The following PGGHG variants were observed in gnomAD, a reference collection of about 807,000 sequenced individuals.
PGGHG encodes the protein ATH1, acid trehalase-like 1.
PGGHG carries 67 observed loss-of-function variants against 74.5 expected under a neutral mutation model. That is an observed-to-expected ratio of 0.90 (90% CI 0.74 to 1.10). The LOEUF is 1.10. Ranked by LOEUF, PGGHG falls within the 50% of genes least tolerant of loss-of-function variation. PGGHG has a pLI of 0.00. For missense variants in PGGHG, 1,034 were observed against 981.5 expected, an observed-to-expected ratio of 1.05 and a Z score of -0.72; for synonymous variants, 496 against 419.9, an observed-to-expected ratio of 1.18 and a Z score of -2.21.
rs937160809 is a variant in PGGHG, at chr11:289,507, G to C, written c.-14+268G>C. On this transcript the variant is annotated intron_variant, in intron 1 of 13. Coordinates refer to ENST00000409548, the MANE Select transcript of PGGHG (RefSeq NM_025092.5). This position sits in a 1 kb window ranked among gnomAD's most constrained non-coding sequence, Gnocchi z 5.6. Reference sequence around the variant, plus strand: ...AGGGTGGGGGCAAGACCGGGGTTGTGGGGGGTGCGTTTGGAAAGCAGGGTT... The same window carrying C: ...AGGGTGGGGGCAAGACCGGGGTTGTCGGGGGTGCGTTTGGAAAGCAGGGTT... The C allele has an allele frequency of 2.9e-4, 106 of 371,508 alleles. No individual in the cohort carries two copies. The highest frequency in any genetic ancestry group is 4.0e-4 in the Non-Finnish European group (81 of 203,398). The allele number at this position is 371,508 out of a possible 1,614,324, so 23.0% of individuals were successfully genotyped here. A position where few individuals can be genotyped will look rare whatever the true frequency, so the allele number is the denominator to read the frequency against.
In PGGHG at chr11:290,388, A is replaced by G. The variant is rs550096365; in HGVS notation, c.260-2A>G. On this transcript the variant is annotated splice_acceptor_variant, in intron 2 of 13. Transcript: ENST00000409548. LOFTEE classifies it high-confidence loss of function. ...CACCTGCCTTCGCTTCTGCCTCCCC[A>G]GGCTCCTTTCTTCACACCCTGGAGG... 5.2e-6 allele frequency: 8 copies of G among 1,542,852 alleles called. No individual in the cohort carries two copies. Among genetic ancestry groups the G allele is most frequent in the African/African-American group, 4.1e-5 (3 of 73,002 alleles).
At chr11:291,603 T>C in intron 4 of PGGHG, 1 of 282,376 alleles carries the variant, frequency 3.5e-6, no homozygotes. Context: ...GTGACTGTGC[T>C]GGGGCTGCTC....
Position 290,031 on chromosome 11 carries a change from TGGG to T in PGGHG, c.218_220del (p.Gly73del). 1 of 1,544,228 alleles carries T rather than the reference TGGG, an allele frequency of 6.5e-7. No individual in the cohort carries two copies. Among genetic ancestry groups the T allele is most frequent in the Non-Finnish European group, 8.7e-7 (1 of 1,146,256 alleles). On this transcript the variant is annotated inframe_deletion, in exon 2 of 14. Transcript: ENST00000409548. Reference sequence around the variant, plus strand: ...GTCCGGCTGGAGGCCCCTGCAGGGATGGGGGAGCAGCTGACCGAGACCTTCGCC... The same window carrying T: ...GTCCGGCTGGAGGCCCCTGCAGGGATGGAGCAGCTGACCGAGACCTTCGCC...
In PGGHG at chr11:289,565, G is replaced by A. The variant is rs1009046612; in HGVS notation, c.-13-239G>A. ...GAATTCTAAGGTAGCAGGAGGGAGA[G>A]ACACACTCAGGGGCTCAGCTGGGTT... is the stretch of plus-strand genomic sequence containing the variant. On this transcript the variant is annotated intron_variant, in intron 1 of 13. Coordinates refer to ENST00000409548, the MANE Select transcript of PGGHG (RefSeq NM_025092.5). This position sits in a 1 kb window ranked among gnomAD's most constrained non-coding sequence, Gnocchi z 5.6. 5.0e-5 allele frequency: 28 copies of A among 560,098 alleles called. No individual in the cohort carries two copies. Among genetic ancestry groups the A allele is most frequent in the Non-Finnish European group, 8.1e-5 (26 of 319,522 alleles). The allele number at this position is 560,098 out of a possible 1,614,324, so 34.7% of individuals were successfully genotyped here.
chr11:294,257 C>T lies in PGGHG; in HGVS notation c.1809-10C>T, dbSNP rs754845464. 3 of 1,597,790 alleles carry T rather than the reference C, an allele frequency of 1.9e-6. No individual in the cohort carries two copies. Among genetic ancestry groups the T allele is most frequent in the African/African-American group, 2.7e-5 (2 of 74,700 alleles). On this transcript the variant is annotated splice_polypyrimidine_tract_variant and intron_variant, in intron 12 of 13. Coordinates refer to ENST00000409548, the MANE Select transcript of PGGHG (RefSeq NM_025092.5). ...CCCACCTGCCACCTCACAAGCCTCTCCTCCCACAGGGTCACCCGAGCGGGT... is the reference window on the plus strand; with the variant it reads ...CCCACCTGCCACCTCACAAGCCTCTTCTCCCACAGGGTCACCCGAGCGGGT...
chr11:293,555 G>C (rs561893184), intron 9 of PGGHG, 39 bp from the exon 10 acceptor site: 10 of 1,612,852 alleles, frequency 6.2e-6, no homozygotes, highest in African/African-American at 4.0e-5. Flanking sequence ...CCTCGAGTCT[G>C]TCCTGGAACA....
At position 291,075 on chromosome 11, in the gene PGGHG, C is replaced by T. The variant is rs781373330; in HGVS notation, c.868C>T (p.Arg290Cys). Reference sequence around the variant, plus strand: ...TCCTGGGGGCCTCTCCAATGGGAGCCGTGAGGAATGCTACTGGGGCCACGT... The same window carrying T: ...TCCTGGGGGCCTCTCCAATGGGAGCTGTGAGGAATGCTACTGGGGCCACGT... ...LSPGGLSNGS[R>C]EECYWGHVFW... is the part of the protein sequence containing the mutation. Residue 290 changes from arginine (R) to cysteine (C), a missense_variant, in exon 4 of 14, where the codon CGT (arginine) becomes TGT (cysteine). By Grantham distance (180) the Arg-to-Cys change is radical. Coordinates refer to ENST00000409548, the MANE Select transcript of PGGHG (RefSeq NM_025092.5). The T allele has an allele frequency of 7.5e-6, 12 of 1,603,994 alleles. No individual in the cohort carries two copies. The highest frequency in any genetic ancestry group is 1.7e-5 in the Admixed American group (1 of 59,310).
rs1554903421 is a variant in PGGHG, at chr11:294,572, T to G, written c.2037T>G (p.Phe679Leu). The G allele has an allele frequency of 8.8e-7, 1 of 1,140,214 alleles. No homozygotes were observed. The highest frequency in any genetic ancestry group is 1.1e-6 in the Non-Finnish European group (1 of 909,432). The allele number at this position is 1,140,214 out of a possible 1,614,324, so 70.6% of individuals were successfully genotyped here. A position where few individuals can be genotyped will look rare whatever the true frequency, so the allele number is the denominator to read the frequency against. Residue 679 changes from phenylalanine to leucine, a missense_variant, in exon 14 of 14, where the codon TTT (phenylalanine) becomes TTG (leucine). By Grantham distance (22) the Phe-to-Leu change is conservative. Coordinates refer to ENST00000409548, the MANE Select transcript of PGGHG (RefSeq NM_025092.5). Reference sequence around the variant, plus strand: ...TCCCTGCAGGACACAAGGTCTCCTTTCCCCGCTCGGCTGGCCGGATACAAA... The same window carrying G: ...TCCCTGCAGGACACAAGGTCTCCTTGCCCCGCTCGGCTGGCCGGATACAAA... ...LSLLPGHKVS[F>L]PRSAGRIQMS...
rs777428964 is a variant in PGGHG, at chr11:293,198, AACAACTCTGTGT to A, written c.1310_1321del (p.Asn437_Tyr440del). The A allele has an allele frequency of 1.2e-6, 2 of 1,613,804 alleles. No homozygotes were observed. Among genetic ancestry groups the A allele is most frequent in the Admixed American group, 3.3e-5 (2 of 60,026 alleles). On this transcript the variant is annotated inframe_deletion, in exon 8 of 14. Coordinates refer to ENST00000409548, the MANE Select transcript of PGGHG (RefSeq NM_025092.5). ...CCCCGACGAGTACCATTCAGGGGTCAACAACTCTGTGTACACCAACGTCCTGGTCCAGAACAG... is the reference window on the plus strand; with the variant it reads ...CCCCGACGAGTACCATTCAGGGGTCAACACCAACGTCCTGGTCCAGAACAG...
At chr11:291,400 CAGT>C in intron 4 of PGGHG, 1 of 423,566 alleles carries the variant, frequency 2.4e-6, no homozygotes, top group South Asian at 4.8e-5. Flanking sequence ...CGTTTGTAGA[CAGT>C]AGTGTGGCGC....
In PGGHG at chr11:294,727, C is replaced by G. The variant is rs139357995; in HGVS notation, c.2192C>G (p.Thr731Ser). 6.2e-7 allele frequency: 1 copy of G among 1,602,798 alleles called. No homozygotes were observed. The highest frequency in any genetic ancestry group is 8.5e-7 in the Non-Finnish European group (1 of 1,174,206). The change falls in exon 14 of 14, where the codon ACT becomes AGT. Residue 731 changes from threonine (T) to serine (S), a missense_variant. By Grantham distance (58) the Thr-to-Ser change is moderately conservative (BLOSUM62 1). Coordinates refer to ENST00000409548, the MANE Select transcript of PGGHG (RefSeq NM_025092.5). ...TCCTCCAGCCCCACCGAGTCACTCA[C>G]TGTGGACCCTGCCTCTGAATAATCA... is the stretch of plus-strand genomic sequence containing the variant. ...LGSSSPTESL[T>S]VDPASE is the part of the protein sequence containing the mutation.
rs1295758165 is a variant in PGGHG at position 290,582 on chromosome 11, C to G, written c.452C>G (p.Pro151Arg). 4.5e-6 allele frequency: 7 copies of G among 1,556,608 alleles called. No homozygotes were observed. In the South Asian group the frequency reaches 8.2e-5, roughly 18 times the overall value. The stretch of plus-strand genomic sequence containing the variant: ...CCAGACCTGGACCTGCATCAGGGTC[C>G]TGACTTCCAGGGAGCCCGGTAAGGA... Reference protein sequence around the residue: ...ESPDLDLHQGPDFQGARYLYG... With the variant: ...ESPDLDLHQGRDFQGARYLYG... The change falls in exon 3 of 14, where the codon CCT becomes CGT. Residue 151 changes from proline (P) to arginine (R), a missense_variant. Coordinates refer to ENST00000409548, the MANE Select transcript of PGGHG (RefSeq NM_025092.5).
rs1486030786 is a variant in PGGHG at position 291,956 on chromosome 11, A to ACGAGGGAC, written c.907-17_907-10dup. 3.8e-6 allele frequency: 6 copies of ACGAGGGAC among 1,595,720 alleles called. No individual in the cohort carries two copies. The South Asian group carries it at 5.7e-5, about 15-fold the overall frequency. ...CAGTGACGGCCTGTCCGGCGCTAGA[A>ACGAGGGAC]CGAGGGACCGTGCTCTCAGGACCTC... On this transcript the variant is annotated intron_variant, in intron 4 of 13. Transcript: ENST00000409548.
At position 294,131 on chromosome 11, in the gene PGGHG, T is replaced by C; in HGVS notation, c.1743T>C (p.Ala581=). ...VWTENADGSG[A]VNFLTGMGGF... ...CGGAGAATGCAGACGGGTCAGGCGCTGTGAACTTCCTGACAGGCATGGGGG... is the reference window on the plus strand; with the variant it reads ...CGGAGAATGCAGACGGGTCAGGCGCCGTGAACTTCCTGACAGGCATGGGGG... Residue 581 remains alanine, a synonymous_variant, in exon 12 of 14, where the codon GCT becomes GCC. Transcript: ENST00000409548. The C allele has an allele frequency of 6.2e-7, 1 of 1,612,500 alleles. No individual in the cohort carries two copies. Among genetic ancestry groups the C allele is most frequent in the South Asian group, 1.1e-5 (1 of 90,844 alleles).
chr11:290,362 C>T, intron 2 of PGGHG, 28 bp from the exon 3 acceptor site: 1 of 1,534,532 alleles, frequency 6.5e-7, no homozygotes, highest in Non-Finnish European at 8.7e-7. Context: ...GCTTGGCAAC[C>T]CACCTGCCTT....
chr11:291,983 G>A lies in PGGHG; in HGVS notation c.914G>A (p.Trp305Ter), dbSNP rs750638990. 1 of 1,609,654 alleles carries A rather than the reference G, an allele frequency of 6.2e-7. No individual in the cohort carries two copies. Among genetic ancestry groups the A allele is most frequent in the Non-Finnish European group, 8.5e-7 (1 of 1,178,484 alleles). ...WGHVFWDQDL[W>*]MFPSILMFHP... ...GAGGGACCGTGCTCTCAGGACCTCT[G>A]GATGTTCCCGAGTATCCTGATGTTC... The change falls in exon 5 of 14, where the codon TGG becomes TAG. Residue 305 changes from tryptophan to a stop codon, truncating the protein, a stop_gained. Transcript: ENST00000409548. LOFTEE classifies it high-confidence loss of function.
intron 6 of PGGHG, 32 bp downstream of exon 6, chr11:292,709 G>A (rs1845762300): frequency 3.1e-6 from 5 of 1,613,134 alleles, no homozygotes; most frequent in Non-Finnish European, 4.2e-6. Context: ...ATTCCTGCAA[G>A]TGTGGCCAGG....
Position 293,707 on chromosome 11 carries a change from C to A in PGGHG, c.1594C>A (p.Gln532Lys), listed in dbSNP as rs1845795354. ...LEIYEAVTSP[Q>K]GPAMTWSMFA... The stretch of plus-strand genomic sequence containing the variant: ...GATTTACGAGGCTGTGACGTCCCCC[C>A]AGGGCCCCGCCATGACCTGGGTGAG... The change falls in exon 10 of 14, where the codon CAG (glutamine) becomes AAG (lysine). Residue 532 changes from glutamine (Q) to lysine (K), a missense_variant. By Grantham distance (53) the Gln-to-Lys change is moderately conservative. Coordinates refer to ENST00000409548, the MANE Select transcript of PGGHG (RefSeq NM_025092.5). 6.2e-7 allele frequency: 1 copy of A among 1,613,238 alleles called. No homozygotes were observed. The highest frequency in any genetic ancestry group is 8.5e-7 in the Non-Finnish European group (1 of 1,179,982).
At position 293,514 on chromosome 11, in the gene PGGHG, C is replaced by T. The variant is rs765791814; in HGVS notation, c.1480+12C>T. 1 of 1,611,538 alleles carries T rather than the reference C, an allele frequency of 6.2e-7. No individual in the cohort carries two copies. Among genetic ancestry groups the T allele is most frequent in the East Asian group, 2.2e-5 (1 of 44,870 alleles). On this transcript the variant is annotated intron_variant, in intron 9 of 13. Transcript: ENST00000409548. ...TGGGTATGAGCCTGGTGAGTGGACC[C>T]CTTCAAGGGCTCCTCCCCTGCCGTC...
Sources: gnomAD v4.1 joint callset for allele counts on GRCh38, gnomAD v4.1.1 for gene constraint, Gnocchi (gnomAD v3.1) non-coding constraint, MANE v1.5 for transcripts, NCBI Gene and HGNC (gene_info 2026-07-23, HGNC 2026-07-21) for gene names.